TACR2: variants seen among roughly 807,000 people sequenced by gnomAD.
The protein encoded by TACR2 is tachykinin receptor 2.
A neutral mutation model predicts 28.9 loss-of-function variants in TACR2; 24 were observed. The observed-to-expected ratio is 0.83, with a 90% CI of 0.60 to 1.17. The LOEUF (loss-of-function observed/expected upper bound fraction) is 1.17. Among genes scored for constraint, TACR2 ranks in the 50% most tolerant of loss-of-function variants. The probability of loss-of-function intolerance (pLI) is 0.00; values close to 1 mark genes in which losing one functional copy is unlikely to be tolerated. For missense variants in TACR2, 487 were observed against 524.4 expected (o/e 0.93, Z 0.70); for synonymous variants, 222 against 212.6 (o/e 1.04, Z -0.38).
intron 2 of TACR2, among the ~76,000 whole-genome samples, chr10:69,413,533 G>C (rs1346732327): frequency 2.0e-5 from 3 of 152,252 alleles, no homozygotes; most frequent in Non-Finnish European, 2.9e-5. Context: ...CTCCGTGAGA[G>C]GGTGGGGTGC....
At chr10:69,414,881 ACACACACACACACAGACT>A in intron 2 of TACR2, 46 bp downstream of exon 2, 2 of 663,072 alleles carry the variant, frequency 3.0e-6, no homozygotes, top group Non-Finnish European at 4.2e-6. Flanking sequence ...ACGCGTGTGT[ACACACACACACACAGACT>A]CACACACACA....
rs781477753 is a variant in TACR2, at chr10:69,415,058, C to T, written c.474G>A (p.Val158=). The T allele has an allele frequency of 3.7e-6, 6 of 1,613,770 alleles. No homozygotes were observed. In the South Asian group the frequency reaches 6.6e-5, roughly 18 times the overall value. Reference sequence around the variant, plus strand: ...ACTGAGGGGAGGCCAGGGCGAGAGCCACCAGCCAGATGCCAGCAATAACCG... The same window carrying T: ...ACTGAGGGGAGGCCAGGGCGAGAGCTACCAGCCAGATGCCAGCAATAACCG... ...TKAVIAGIWL[V]ALALASPQCF... is the part of the protein sequence containing the mutation. Residue 158 remains valine (V), a synonymous_variant, in exon 2 of 5, where the codon GTG becomes GTA. Coordinates refer to ENST00000373306, the MANE Select transcript of TACR2 (RefSeq NM_001057.3).
At position 69,415,157 on chromosome 10, in the gene TACR2, C is replaced by T. The variant is rs1455975667; in HGVS notation, c.393-18G>A. On this transcript the variant is annotated intron_variant, in intron 1 of 4. Coordinates refer to ENST00000373306, the MANE Select transcript of TACR2 (RefSeq NM_001057.3). The stretch of plus-strand genomic sequence containing the variant: ...CCATGTACCTGTGAGCAGAGGGCAG[C>T]TTGAGCGGCAGGGGCCCTCCTGTTA... 6 of 1,600,704 alleles carry T rather than the reference C, an allele frequency of 3.7e-6. No homozygotes were observed. Among genetic ancestry groups the T allele is most frequent in the Non-Finnish European group, 1.7e-6 (2 of 1,171,988 alleles).
Position 69,409,094 on chromosome 10 carries a change from C to G in TACR2, c.588-19G>C. The G allele has an allele frequency of 1.9e-6, 3 of 1,569,066 alleles. No individual in the cohort carries two copies. On this transcript the variant is annotated intron_variant, in intron 2 of 4. Coordinates refer to ENST00000373306, the MANE Select transcript of TACR2 (RefSeq NM_001057.3). The stretch of plus-strand genomic sequence containing the variant: ...GTGGTACCTGCAGGGAGAGCCGAGG[C>G]CTGGGCAGCGGAGGGCCCGGGGGCG...
rs552993763 is a variant in TACR2, at chr10:69,404,907, C to G, written c.1116G>C (p.Glu372Asp). The G allele has an allele frequency of 6.2e-7, 1 of 1,614,066 alleles. No individual in the cohort carries two copies. Among genetic ancestry groups the G allele is most frequent in the East Asian group, 2.2e-5 (1 of 44,890 alleles). Residue 372 changes from glutamate to aspartate, a missense_variant, in exon 5 of 5, where the codon GAG becomes GAC. Coordinates refer to ENST00000373306, the MANE Select transcript of TACR2 (RefSeq NM_001057.3). Reference sequence around the variant, plus strand: ...CTGATCCATCCTGGGGACGCCCCGCCTCCCCACTGGTAGCCTCGGAGGGGG... The same window carrying G: ...CTGATCCATCCTGGGGACGCCCCGCGTCCCCACTGGTAGCCTCGGAGGGGG... ...DTAPSEATSG[E>D]AGRPQDGSGL...
intron 2 of TACR2, among the ~76,000 whole-genome samples, chr10:69,412,608 G>C (rs1266058332): frequency 6.6e-6 from 1 of 152,150 alleles, no homozygotes; most frequent in African/African-American, 2.4e-5. Context: ...GTCAGTACAG[G>C]GCTCTTGTCC....
rs746711930 is a variant in TACR2 at position 69,408,952 on chromosome 10, GGCACCGTGC to G, written c.702_710del (p.His235_Ala237del). On this transcript the variant is annotated inframe_deletion, in exon 3 of 5. Coordinates refer to ENST00000373306, the MANE Select transcript of TACR2 (RefSeq NM_001057.3). The stretch of plus-strand genomic sequence containing the variant: ...TCATGGCCTGCAGGTGGCGCAGGTT[GGCACCGTGC>G]GCCTGATGTCCGGGCACTGCGCGCC... 1.1e-5 allele frequency: 17 copies of G among 1,579,218 alleles called. No homozygotes were observed. The highest frequency in any genetic ancestry group is 1.5e-5 in the Non-Finnish European group (17 of 1,165,598).
At chr10:69,415,813 G>A in intron 1 of TACR2, 119 bp downstream of exon 1, 1 of 1,232,544 alleles carries the variant, frequency 8.1e-7, no homozygotes, top group Non-Finnish European at 1.1e-6. Context: ...ACCAGATTTG[G>A]GAAGCCATTC....
At chr10:69,405,181 G>T in intron 4 of TACR2, 97 bp from the exon 5 acceptor site, 1 of 986,050 alleles carries the variant, frequency 1.0e-6, no homozygotes, top group Non-Finnish European at 1.5e-6. Context: ...CCTTCCAGAG[G>T]AAAGTCACTG....
intron 2 of TACR2, among the ~76,000 whole-genome samples, chr10:69,409,742 A>G (rs937362304): frequency 5.9e-5 from 9 of 151,846 alleles, no homozygotes; most frequent in African/African-American, 2.2e-4. Context: ...GGAAAAAAAC[A>G]GTATATATCT....
intron 2 of TACR2, among the ~76,000 whole-genome samples, chr10:69,410,701 G>A (rs1029820750): frequency 3.3e-5 from 5 of 152,022 alleles, no homozygotes; most frequent in African/African-American, 9.7e-5. Context: ...GTTGACTTCC[G>A]ATTCGCCCCA....
rs1840554901 is a variant in TACR2 at position 69,409,934 on chromosome 10, T to TAG, written c.588-860_588-859insCT. Among the ~76,000 whole-genome samples, 3 of 96,384 alleles carry TAG rather than the reference T, an allele frequency of 3.1e-5. No homozygotes were observed. The Admixed American group carries it at 3.4e-4, about 11-fold the overall frequency. The allele number at this position is 96,384 out of a possible 152,430, so 63.2% of individuals were successfully genotyped here. On this transcript the variant is annotated intron_variant, in intron 2 of 4. Coordinates refer to ENST00000373306, the MANE Select transcript of TACR2 (RefSeq NM_001057.3). ...ATATATATATATATATATATATATA[T>TAG]ATATATATAATCTGTATCTGTCTGG...
In TACR2 at chr10:69,408,912, C is replaced by A; in HGVS notation, c.741+10G>T. The stretch of plus-strand genomic sequence containing the variant: ...CCCCGCCCCCTCCAGGCCCCCGCCC[C>A]CGCGCCCACCTTCTTCATGGCCTGC... On this transcript the variant is annotated intron_variant, in intron 3 of 4. Transcript: ENST00000373306. 7.4e-7 allele frequency: 1 copy of A among 1,353,724 alleles called. No homozygotes were observed. The allele number at this position is 1,353,724 out of a possible 1,614,324, so 83.9% of individuals were successfully genotyped here.
rs1198076285 is a variant in TACR2, at chr10:69,409,882, CATATATACATATATATATATACATATAT to C, written c.588-835_588-808del. Among the ~76,000 whole-genome samples the C allele has an allele frequency of 6.4e-3, 723 of 113,182 alleles. 14 individuals carry two copies. The highest frequency in any genetic ancestry group is 0.013 in the Middle Eastern group (3 of 232). The allele number at this position is 113,182 out of a possible 152,430, so 74.3% of individuals were successfully genotyped here. A position where few individuals can be genotyped will look rare whatever the true frequency, so the allele number is the denominator to read the frequency against. ...ATGTATATGTATATATATATATATA[CATATATACATATATATATATACATATAT>C]ATATATATATATATATATATATATA... is the stretch of plus-strand genomic sequence containing the variant. On this transcript the variant is annotated intron_variant, in intron 2 of 4. Transcript: ENST00000373306.
intron 2 of TACR2, among the ~76,000 whole-genome samples, chr10:69,414,357 C>T (rs112882078): frequency 0.018 from 2,802 of 152,348 alleles, 92 homozygotes; most frequent in African/African-American, 0.064. Flanking sequence ...GTCCCTAACA[C>T]GTGCCTGTGT....
chr10:69,411,296 C>A (rs375711909), intron 2 of TACR2, among the ~76,000 whole-genome samples: 1 of 152,210 alleles, frequency 6.6e-6, no homozygotes, highest in Admixed American at 6.5e-5. Flanking sequence ...AGAAATCAGA[C>A]CTAACCAACT....
At chr10:69,409,859 GTATATGTATATATATATATATA>G (rs1564580958) in intron 2 of TACR2, among the ~76,000 whole-genome samples, 7 of 70,030 alleles carry the variant, frequency 1.0e-4, no homozygotes, top group Non-Finnish European at 1.8e-4. Flanking sequence ...ATATGTATAT[GTATATGTATATATATATATATA>G]CATATATACA....
chr10:69,409,862 T>C (rs868201461), intron 2 of TACR2, among the ~76,000 whole-genome samples: 92 of 62,454 alleles, frequency 1.5e-3, no homozygotes, highest in African/African-American at 6.7e-3. Flanking sequence ...TGTATATGTA[T>C]ATGTATATAT....
intron 4 of TACR2, among the ~76,000 whole-genome samples, chr10:69,405,428 G>C (rs1195191759): frequency 6.6e-6 from 1 of 152,214 alleles, no homozygotes; most frequent in African/African-American, 2.4e-5. Flanking sequence ...TGTCTGACTT[G>C]TTAACTGGCT....
Sources: gnomAD v4.1 joint callset for allele counts (sites outside exome capture counted in the v4.1 genomes callset) on GRCh38, gnomAD v4.1.1 for gene constraint, MANE v1.5 for transcripts, NCBI Gene and HGNC (gene_info 2026-07-23, HGNC 2026-07-21) for gene names.